The following HIVEP2 variants were observed in gnomAD, a reference collection of about 807,000 sequenced individuals.
The protein encoded by HIVEP2 is HIVEP zinc finger 2, also known as transcription factor HIVEP2.
In HIVEP2, 14 loss-of-function variants were observed where a neutral mutation model predicts 180.7. That is an observed-to-expected ratio of 0.08 (90% CI 0.05 to 0.12). The LOEUF (loss-of-function observed/expected upper bound fraction) is 0.12, where lower values mean the gene tolerates loss of function less well. Ranked by LOEUF, HIVEP2 falls within the 10% of genes least tolerant of loss-of-function variation. The pLI is 1.00. For synonymous variants in HIVEP2, 1,184 were observed against 1,136.4 expected (o/e 1.04, Z -0.84); for missense variants, 2,579 against 3,008.5 (o/e 0.86, Z 3.34).
chr6:142,768,407 T>C lies in HIVEP2; in HGVS notation c.5317A>G (p.Ile1773Val). 6.2e-7 allele frequency: 1 copy of C among 1,610,702 alleles called. No homozygotes were observed. Among genetic ancestry groups the C allele is most frequent in the African/African-American group, 1.3e-5 (1 of 74,760 alleles). The part of the protein sequence containing the change: ...KDIGSKQTEP[I>V]RIKIFEGGYK... ...CCTCCTTCAAATATTTTAATTCGGA[T>C]TGGCTCAGTTTGTTTGGATCCAATA... Residue 1773 changes from isoleucine (I) to valine (V), a missense_variant, in exon 6 of 10, where the codon ATC becomes GTC. Physicochemically the swap from Ile to Val is conservative, Grantham distance 29 (BLOSUM62 3). Around this residue, in one of 11 missense-constraint regions of HIVEP2, gnomAD observed 349 missense variants for 367.2 expected, o/e 0.95. Transcript: ENST00000367603.
At chr6:142,941,752 A>G (rs1230066398) in intron 1 of HIVEP2, among the ~76,000 whole-genome samples, 1 of 152,202 alleles carries the variant, frequency 6.6e-6, no homozygotes, top group Non-Finnish European at 1.5e-5. Flanking sequence ...AAAAGTTGTA[A>G]CAGTTAAATA....
intron 9 of HIVEP2, among the ~76,000 whole-genome samples, chr6:142,755,536 G>C (rs1775043339): frequency 6.6e-6 from 1 of 152,006 alleles, no homozygotes; most frequent in South Asian, 2.1e-4. Context: ...TTTACTTCTG[G>C]CTGCTATTCC....
At chr6:142,758,462 CAG>C in intron 9 of HIVEP2, among the ~76,000 whole-genome samples, 1 of 152,128 alleles carries the variant, frequency 6.6e-6, no homozygotes, top group Non-Finnish European at 1.5e-5. Flanking sequence ...TGGGAGCTGG[CAG>C]TGTCTCCTCT....
At chr6:142,806,324 TA>T (rs1435645246) in intron 2 of HIVEP2, among the ~76,000 whole-genome samples, 1 of 152,200 alleles carries the variant, frequency 6.6e-6, no homozygotes, top group African/African-American at 2.4e-5. Flanking sequence ...ACAGGCTGCA[TA>T]AAATTTGGTA....
intron 1 of HIVEP2, among the ~76,000 whole-genome samples, chr6:142,905,101 A>G (rs1226425554): frequency 6.6e-6 from 1 of 152,188 alleles, no homozygotes; most frequent in African/African-American, 2.4e-5. Context: ...AGGGAAAACA[A>G]CCTTTCATTC....
At chr6:142,887,773 T>C (rs1188919421) in intron 1 of HIVEP2, among the ~76,000 whole-genome samples, 2 of 152,124 alleles carry the variant, frequency 1.3e-5, no homozygotes, top group Non-Finnish European at 2.9e-5. Flanking sequence ...TCTCCTCCAA[T>C]GAAGAAGTTA....
intron 7 of HIVEP2, among the ~76,000 whole-genome samples, chr6:142,761,952 C>G (rs1331076581): frequency 6.6e-6 from 1 of 152,212 alleles, no homozygotes; most frequent in Non-Finnish European, 1.5e-5. Context: ...TCTGGCCACA[C>G]ACCTCAGAGA....
Position 142,760,555 on chromosome 6 carries a change from A to G in HIVEP2, c.5733T>C (p.Asn1911=). The change falls in exon 9 of 10, where the codon AAT becomes AAC. Residue 1911 remains asparagine (N), a synonymous_variant. Coordinates refer to ENST00000367603, the MANE Select transcript of HIVEP2 (RefSeq NM_006734.4). ...CATCTTCATCTTCATCATCATCATC[A>G]TTATCATCTCCATCCTCACCATCTG... ...EESDGEDGDD[N]DDDDEDEDDF... The G allele has an allele frequency of 3.7e-6, 6 of 1,613,752 alleles. No individual in the cohort carries two copies. Among genetic ancestry groups the G allele is most frequent in the Non-Finnish European group, 5.1e-6 (6 of 1,179,720 alleles).
At chr6:142,901,841 A>T (rs1399021458) in intron 1 of HIVEP2, among the ~76,000 whole-genome samples, 2 of 152,206 alleles carry the variant, frequency 1.3e-5, no homozygotes, top group Admixed American at 1.3e-4. Context: ...GCAAAACTGA[A>T]TCTATCGGTT....
At chr6:142,909,290 G>A (rs991861765) in intron 1 of HIVEP2, among the ~76,000 whole-genome samples, 1 of 152,076 alleles carries the variant, frequency 6.6e-6, no homozygotes, top group Non-Finnish European at 1.5e-5. Flanking sequence ...ACTATCTATA[G>A]ACAAAAATCT....
intron 1 of HIVEP2, among the ~76,000 whole-genome samples, chr6:142,837,987 A>C (rs763367044): frequency 1.3e-5 from 2 of 152,090 alleles, no homozygotes; most frequent in Non-Finnish European, 2.9e-5. Flanking sequence ...CATAAGCACA[A>C]GATTTTTTAA....
At chr6:142,859,348 C>T (rs1468452991) in intron 1 of HIVEP2, among the ~76,000 whole-genome samples, 3 of 151,592 alleles carry the variant, frequency 2.0e-5, no homozygotes, top group Admixed American at 2.0e-4. Flanking sequence ...GTAGTCCTTG[C>T]TATTTGGGAG....
At chr6:142,855,157 A>G (rs1775786599) in intron 1 of HIVEP2, among the ~76,000 whole-genome samples, 1 of 152,228 alleles carries the variant, frequency 6.6e-6, no homozygotes, top group Non-Finnish European at 1.5e-5. Context: ...TCCCAGTCAC[A>G]TGGAGTGTCT....
chr6:142,919,154 A>C (rs1477220309), intron 1 of HIVEP2, among the ~76,000 whole-genome samples: 9 of 152,182 alleles, frequency 5.9e-5, no homozygotes, highest in Admixed American at 3.3e-4. Context: ...TTACAGTTAC[A>C]AAAACACAAG....
At chr6:142,769,431 G>A (rs908087170) in intron 5 of HIVEP2, 121 bp downstream of exon 5, 7 of 832,230 alleles carry the variant, frequency 8.4e-6, no homozygotes, top group South Asian at 3.7e-5. Context: ...TTCTGAAAAC[G>A]CCCCCACACT....
chr6:142,909,231 A>G (rs980340279), intron 1 of HIVEP2, among the ~76,000 whole-genome samples: 1 of 152,216 alleles, frequency 6.6e-6, no homozygotes, highest in African/African-American at 2.4e-5. Context: ...CTATAAAAGC[A>G]TTAGCTATAC....
chr6:142,899,419 G>GT lies in HIVEP2; in HGVS notation c.-641+45679dup, dbSNP rs1777075654. ...TACAGCCCTTTCATAATGTATTGCAGTTTTTTTACAGACTGCAGCCTTCAC... is the reference window on the plus strand; with the variant it reads ...TACAGCCCTTTCATAATGTATTGCAGTTTTTTTTACAGACTGCAGCCTTCAC... On this transcript the variant is annotated intron_variant, in intron 1 of 9. Coordinates refer to ENST00000367603, the MANE Select transcript of HIVEP2 (RefSeq NM_006734.4). 2.6e-5 allele frequency among the ~76,000 whole-genome samples: 4 copies of GT among 152,090 alleles called. No individual in the cohort carries two copies. The South Asian group carries it at 6.2e-4, about 24-fold the overall frequency.
At chr6:142,859,934 T>C (rs1775932273) in intron 1 of HIVEP2, among the ~76,000 whole-genome samples, 1 of 150,756 alleles carries the variant, frequency 6.6e-6, no homozygotes, top group South Asian at 2.1e-4. Context: ...ATGCAAGAAG[T>C]TGAGGTAATA....
chr6:142,768,637 T>C (rs1000751221), intron 5 of HIVEP2, 101 bp from the exon 6 acceptor site: 2 of 1,218,292 alleles, frequency 1.6e-6, no homozygotes, highest in Admixed American at 2.3e-5. Flanking sequence ...GCCTAAATTC[T>C]GTACTAAAAG....
Sources: allele counts gnomAD v4.1 joint callset (sites outside exome capture counted in the v4.1 genomes callset), GRCh38; gene constraint gnomAD v4.1.1; regional missense constraint gnomAD v4.1.1; transcripts MANE v1.5; gene names NCBI Gene and HGNC (gene_info 2026-07-23, HGNC 2026-07-21).